CHFR: variants seen among roughly 807,000 people sequenced by gnomAD.
The protein encoded by CHFR is E3 ubiquitin-protein ligase CHFR.
CHFR carries 57 observed loss-of-function variants against 87.6 expected under a neutral mutation model. That is an observed-to-expected ratio of 0.65 (90% confidence interval 0.53 to 0.81). The LOEUF (loss-of-function observed/expected upper bound fraction) is 0.81. Ranked by LOEUF, CHFR falls within the 30% of genes least tolerant of loss-of-function variation. The probability of loss-of-function intolerance (pLI) is 0.00; values close to 1 mark genes in which losing one functional copy is unlikely to be tolerated. For synonymous variants in CHFR, 381 were observed against 359.2 expected (o/e 1.06, Z -0.69); for missense variants, 797 against 865.8 (o/e 0.92, Z 1.00).
chr12:132,883,797 C>T (rs937393482), intron 2 of CHFR, among the ~76,000 whole-genome samples: 1 of 152,140 alleles, frequency 6.6e-6, no homozygotes, highest in Non-Finnish European at 1.5e-5. Context: ...TTATAAATGG[C>T]AGGCACATCA....
intron 3 of CHFR, among the ~76,000 whole-genome samples, chr12:132,874,266 C>T (rs1458575339): frequency 2.6e-5 from 4 of 152,278 alleles, no homozygotes; most frequent in Non-Finnish European, 1.5e-5. Flanking sequence ...GCAGTCAGCA[C>T]AGGGATGCCA....
chr12:132,847,128 A>G lies in CHFR; in HGVS notation c.1650T>C (p.Asn550=), dbSNP rs1950847784. The part of the protein sequence containing the change: ...NNSYESDILK[N]YLATRGLTWK... ...ATGTCAAACCTCTGGTTGCCAGGTA[A>G]TTCTGTGACGCAAAAAAAGAGAGGA... Residue 550 remains asparagine, a splice_region_variant and synonymous_variant, in exon 15 of 18, where the codon AAT becomes AAC. Coordinates refer to ENST00000450056, the MANE Select transcript of CHFR (RefSeq NM_001161346.2). 3 of 1,613,610 alleles carry G rather than the reference A, an allele frequency of 1.9e-6. No individual in the cohort carries two copies. In the East Asian group the frequency reaches 6.7e-5, roughly 36 times the overall value.
At chr12:132,866,595 A>T (rs73157075) in intron 6 of CHFR, 1 of 83,338 alleles carries the variant, frequency 1.2e-5, no homozygotes, top group East Asian at 3.0e-4. Context: ...CACACCAGAA[A>T]GTTACAACAC....
At chr12:132,879,181 T>G (rs1951708612) in intron 2 of CHFR, among the ~76,000 whole-genome samples, 1 of 151,380 alleles carries the variant, frequency 6.6e-6, no homozygotes, top group Non-Finnish European at 1.5e-5. Flanking sequence ...ATTTTTTGTA[T>G]TTTTAGTAGA....
intron 2 of CHFR, among the ~76,000 whole-genome samples, chr12:132,878,584 C>T (rs1440521878): frequency 2.0e-5 from 3 of 151,880 alleles, no homozygotes; most frequent in African/African-American, 7.2e-5. Flanking sequence ...GTGGCTCACA[C>T]CGAGGCGGGC....
chr12:132,875,199 A>G (rs1344560697), intron 3 of CHFR, among the ~76,000 whole-genome samples: 3 of 152,232 alleles, frequency 2.0e-5, no homozygotes, highest in African/African-American at 7.2e-5. Flanking sequence ...ATTAAAACCT[A>G]CTTCCTAGTC....
At chr12:132,862,278 G>A (rs1470740648) in intron 6 of CHFR, 9 of 246,832 alleles carry the variant, frequency 3.6e-5, no homozygotes, top group Non-Finnish European at 4.9e-5. Context: ...TCCCTCTGGG[G>A]AAAAAAAAAT....
chr12:132,869,065 G>T (rs78485138), intron 6 of CHFR, among the ~76,000 whole-genome samples: 1 of 61,924 alleles, frequency 1.6e-5, no homozygotes, highest in South Asian at 7.4e-4. Flanking sequence ...AGGGGACATG[G>T]GGAGTGACTG....
At chr12:132,885,270 G>A (rs1951861241) in intron 2 of CHFR, among the ~76,000 whole-genome samples, 2 of 151,124 alleles carry the variant, frequency 1.3e-5, no homozygotes, top group Admixed American at 1.3e-4. Context: ...CCACTGCCAG[G>A]CGTGGTGGTG....
intron 6 of CHFR, among the ~76,000 whole-genome samples, chr12:132,869,242 C>G (rs888063511): frequency 2.1e-5 from 3 of 145,240 alleles, no homozygotes; most frequent in Non-Finnish European, 4.5e-5. Context: ...CTGGTGGGGC[C>G]GAGGGGAAGG....
At position 132,877,669 on chromosome 12, in the gene CHFR, G is replaced by T. The variant is rs750897572; in HGVS notation, c.134-15C>A. The T allele has an allele frequency of 1.9e-6, 3 of 1,570,548 alleles. No homozygotes were observed. Among genetic ancestry groups the T allele is most frequent in the Non-Finnish European group, 2.6e-6 (3 of 1,142,432 alleles). On this transcript the variant is annotated splice_polypyrimidine_tract_variant and intron_variant, in intron 2 of 17. Transcript: ENST00000450056. ...AAGGTCGCAACCTAAAAAAGAGAGGGTGGGTCAACACGGGATATGATCGTG... is the reference window on the plus strand; with the variant it reads ...AAGGTCGCAACCTAAAAAAGAGAGGTTGGGTCAACACGGGATATGATCGTG...
At chr12:132,874,802 A>G (rs1369484081) in intron 3 of CHFR, among the ~76,000 whole-genome samples, 1 of 150,350 alleles carries the variant, frequency 6.7e-6, no homozygotes, top group Non-Finnish European at 1.5e-5. Context: ...AGCGTGGGGA[A>G]GCCAGGCCCT....
At chr12:132,885,482 T>C (rs962961089) in intron 2 of CHFR, among the ~76,000 whole-genome samples, 1 of 152,036 alleles carries the variant, frequency 6.6e-6, no homozygotes, top group Admixed American at 6.6e-5. Context: ...CCACCCAGAA[T>C]GTAGTATTTT....
Position 132,848,733 on chromosome 12 carries a change from A to T in CHFR, c.1493-9T>A, listed in dbSNP as rs1248686111. On this transcript the variant is annotated splice_polypyrimidine_tract_variant and intron_variant, in intron 12 of 17. Transcript: ENST00000450056. The stretch of plus-strand genomic sequence containing the variant: ...CTGCAGGCAGACCGCACCTGTGGAG[A>T]GAGGACACTCGTTACACGCACTCAG... 1 of 1,574,234 alleles carries T rather than the reference A, an allele frequency of 6.4e-7. No homozygotes were observed. Among genetic ancestry groups the T allele is most frequent in the Non-Finnish European group, 8.6e-7 (1 of 1,159,066 alleles).
chr12:132,856,460 T>C lies in CHFR; in HGVS notation c.1229+8A>G. On this transcript the variant is annotated splice_region_variant and intron_variant, in intron 10 of 17. Transcript: ENST00000450056. ...CACACTCTGCTCTGAGCCAGGGGCA[T>C]GATTTACCTAATGTCTGAGGACTCA... 6.2e-7 allele frequency: 1 copy of C among 1,613,696 alleles called. No homozygotes were observed. Among genetic ancestry groups the C allele is most frequent in the Non-Finnish European group, 8.5e-7 (1 of 1,179,974 alleles).
At chr12:132,846,248 T>C (rs942225374) in intron 15 of CHFR, among the ~76,000 whole-genome samples, 1 of 148,002 alleles carries the variant, frequency 6.8e-6, no homozygotes, top group East Asian at 2.1e-4. Flanking sequence ...GTCATACAGG[T>C]TCATGCTTAA....
chr12:132,882,402 T>C (rs1009699729), intron 2 of CHFR, among the ~76,000 whole-genome samples: 1 of 152,224 alleles, frequency 6.6e-6, no homozygotes, highest in Non-Finnish European at 1.5e-5. Context: ...GAACATGTTC[T>C]ACATCTTGAC....
chr12:132,873,968 A>G (rs957841552), intron 3 of CHFR, among the ~76,000 whole-genome samples: 1 of 152,128 alleles, frequency 6.6e-6, no homozygotes, highest in Admixed American at 6.6e-5. Flanking sequence ...AGCCCTGCTT[A>G]TGCTCAGGGG....
intron 2 of CHFR, among the ~76,000 whole-genome samples, chr12:132,885,694 TA>T (rs1182497699): frequency 6.6e-6 from 1 of 152,208 alleles, no homozygotes; most frequent in Admixed American, 6.5e-5. Flanking sequence ...GTGCTAACGC[TA>T]AAGTTCCTTC....
Sources: allele counts gnomAD v4.1 joint callset (sites outside exome capture counted in the v4.1 genomes callset), GRCh38; gene constraint gnomAD v4.1.1; transcripts MANE v1.5; gene names NCBI Gene and HGNC (gene_info 2026-07-23, HGNC 2026-07-21).